Variants in CPNE5 observed in about 807,000 individuals in gnomAD.
The protein encoded by CPNE5 is copine 5, also known as copine-5.
In CPNE5, 42 loss-of-function variants were observed where a neutral mutation model predicts 81.1. The ratio of observed to expected loss-of-function variants is 0.52; its 90% confidence interval spans 0.40 to 0.67. The LOEUF is 0.67. Among genes scored for constraint, CPNE5 ranks in the 30% least tolerant of loss-of-function variants. The probability of loss-of-function intolerance (pLI) is 0.00; values close to 1 mark genes in which losing one functional copy is unlikely to be tolerated. For synonymous variants in CPNE5, 313 were observed against 321.5 expected (o/e 0.97, Z 0.28); for missense variants, 612 against 815.5 (o/e 0.75, Z 3.04).
At chr6:36,837,832 T>G (rs1773653979) in intron 1 of CPNE5, among the ~76,000 whole-genome samples, 1 of 151,250 alleles carries the variant, frequency 6.6e-6, no homozygotes, top group African/African-American at 2.4e-5. Context: ...TGGGAGGGAG[T>G]GCCAGGCGCA....
intron 3 of CPNE5, among the ~76,000 whole-genome samples, chr6:36,801,229 C>T (rs1364138425): frequency 6.6e-6 from 1 of 152,236 alleles, no homozygotes; most frequent in African/African-American, 2.4e-5. Context: ...GGCCAAATCA[C>T]TCCCCATCTT....
At chr6:36,813,832 T>C (rs535027405) in intron 3 of CPNE5, among the ~76,000 whole-genome samples, 13 of 152,198 alleles carry the variant, frequency 8.5e-5, no homozygotes, top group Non-Finnish European at 1.9e-4. Context: ...CCACCAAGTT[T>C]GGCTTGGTTC....
At chr6:36,788,534 A>G (rs1037469529) in intron 8 of CPNE5, among the ~76,000 whole-genome samples, 44 of 147,814 alleles carry the variant, frequency 3.0e-4, no homozygotes, top group African/African-American at 1.0e-3. Context: ...TCCGTAAAAC[A>G]GGGTTACTCA....
At chr6:36,833,597 G>A (rs1331079642) in intron 1 of CPNE5, among the ~76,000 whole-genome samples, 1 of 152,154 alleles carries the variant, frequency 6.6e-6, no homozygotes, top group Admixed American at 6.5e-5. Flanking sequence ...AGGGCCTGGG[G>A]GTGGACTCTA....
chr6:36,794,512 G>A (rs893214647), intron 7 of CPNE5, 78 bp downstream of exon 7: 2 of 1,360,136 alleles, frequency 1.5e-6, no homozygotes, highest in African/African-American at 2.9e-5. Context: ...CAGGGACGAG[G>A]CCCAGACTCT....
At chr6:36,757,303 G>A in intron 12 of CPNE5, 2 of 985,302 alleles carry the variant, frequency 2.0e-6, no homozygotes, top group Non-Finnish European at 2.4e-6. Context: ...CTGCCTGTTG[G>A]TTTCTGGTGA....
chr6:36,747,097 G>C (rs1290348117), intron 15 of CPNE5, among the ~76,000 whole-genome samples: 2 of 151,950 alleles, frequency 1.3e-5, no homozygotes, highest in Admixed American at 1.3e-4. Flanking sequence ...CCCTCTACCT[G>C]GGACACTCTT....
chr6:36,754,169 A>C lies in CPNE5; in HGVS notation c.910-1074T>G, dbSNP rs199793796. On this transcript the variant is annotated intron_variant, in intron 13 of 20. Coordinates refer to ENST00000244751, the MANE Select transcript of CPNE5 (RefSeq NM_020939.2). ...TTAGATCATCCTGCAGCCCAGACCC[A>C]TTATAGCCGAGTTTCCGGGGCTACA... is the stretch of plus-strand genomic sequence containing the variant. 16 of 151,318 alleles carry C rather than the reference A, an allele frequency of 1.1e-4. No individual in the cohort carries two copies. In the East Asian group the frequency reaches 2.9e-3, roughly 28 times the overall value. 9.4% of individuals were successfully genotyped at this position (151,318 alleles called of 1,614,324 possible). A position where few individuals can be genotyped will look rare whatever the true frequency, so the allele number is the denominator to read the frequency against.
intron 7 of CPNE5, among the ~76,000 whole-genome samples, chr6:36,794,179 G>T (rs577605693): frequency 1.6e-5 from 2 of 128,630 alleles, no homozygotes; most frequent in Non-Finnish European, 3.1e-5. Flanking sequence ...GAACAGGGGG[G>T]AAAGGATAAA....
chr6:36,784,638 GCA>G, intron 8 of CPNE5, among the ~76,000 whole-genome samples: 1 of 152,256 alleles, frequency 6.6e-6, no homozygotes, highest in East Asian at 1.9e-4. Flanking sequence ...TGCTCTCTGA[GCA>G]CATGAAATGC....
chr6:36,742,704 G>T (rs1338687561), intron 20 of CPNE5: 2 of 985,008 alleles, frequency 2.0e-6, no homozygotes, highest in East Asian at 2.3e-4. Context: ...TCATTCACTC[G>T]ACAAAAACTG....
intron 10 of CPNE5, among the ~76,000 whole-genome samples, chr6:36,774,083 T>TAAA (rs71540168): frequency 7.2e-6 from 1 of 139,688 alleles, no homozygotes. Context: ...CCATCTCAAT[T>TAAA]AAAAAAAAAA....
At chr6:36,772,301 T>C (rs1369274185) in intron 10 of CPNE5, among the ~76,000 whole-genome samples, 1 of 152,106 alleles carries the variant, frequency 6.6e-6, no homozygotes, top group African/African-American at 2.4e-5. Context: ...CCCCTGACTT[T>C]CCAGCCTTTC....
At chr6:36,785,885 T>C (rs1483415156) in intron 8 of CPNE5, among the ~76,000 whole-genome samples, 1 of 151,806 alleles carries the variant, frequency 6.6e-6, no homozygotes, top group African/African-American at 2.4e-5. Context: ...TGGTGATGCA[T>C]GCCTATAATC....
At chr6:36,821,006 T>C (rs1771999132) in intron 3 of CPNE5, among the ~76,000 whole-genome samples, 1 of 149,658 alleles carries the variant, frequency 6.7e-6, no homozygotes, top group Admixed American at 6.6e-5. Flanking sequence ...ACAGAGAAAA[T>C]AAAAACCAGT....
intron 12 of CPNE5, among the ~76,000 whole-genome samples, chr6:36,762,298 ATACATG>A (rs1177881247): frequency 1.6e-4 from 22 of 141,734 alleles, no homozygotes; most frequent in African/African-American, 6.0e-4. Context: ...GCACACACAC[ATACATG>A]CACACACACA....
chr6:36,785,842 G>A (rs1189334785), intron 8 of CPNE5, among the ~76,000 whole-genome samples: 3 of 151,914 alleles, frequency 2.0e-5, no homozygotes, highest in East Asian at 1.9e-4. Context: ...GTGAAACCCC[G>A]TCTCTACCAA....
At chr6:36,777,785 CA>C (rs1767679248) in intron 9 of CPNE5, among the ~76,000 whole-genome samples, 1 of 136,942 alleles carries the variant, frequency 7.3e-6, no homozygotes, top group African/African-American at 2.7e-5. Flanking sequence ...CACACACACA[CA>C]CACACACACA....
intron 10 of CPNE5, 83 bp from the exon 11 acceptor site, chr6:36,765,459 C>T: frequency 6.5e-7 from 1 of 1,547,706 alleles, no homozygotes; most frequent in East Asian, 2.3e-5. Flanking sequence ...TGTTCCCGGA[C>T]CAGATAGGGA....
Sources: gnomAD v4.1 joint callset for allele counts (sites outside exome capture counted in the v4.1 genomes callset) on GRCh38, gnomAD v4.1.1 for gene constraint, MANE v1.5 for transcripts, NCBI Gene and HGNC (gene_info 2026-07-23, HGNC 2026-07-21) for gene names.